Variants in TULP4 observed in about 807,000 individuals in gnomAD.
TULP4 encodes the protein TUB like protein 4.
In TULP4, 16 loss-of-function variants were observed where a neutral mutation model predicts 129.0. The observed-to-expected ratio is 0.12, with a 90% CI of 0.08 to 0.19. The LOEUF (loss-of-function observed/expected upper bound fraction) is 0.19. Ranked by LOEUF, TULP4 falls within the 10% of genes least tolerant of loss-of-function variation. The pLI is 1.00. For missense variants in TULP4, 1,842 were observed against 2,059.1 expected (o/e 0.89, Z 2.04); for synonymous variants, 998 against 854.0 (o/e 1.17, Z -2.94).
intron 1 of TULP4, among the ~76,000 whole-genome samples, chr6:158,239,211 G>A (rs1427442525): frequency 2.3e-5 from 2 of 86,816 alleles, no homozygotes; most frequent in Admixed American, 2.3e-4. Flanking sequence ...CCTCCCGGAC[G>A]GGACGGCTGG....
upstream of TULP4, among the ~76,000 whole-genome samples, chr6:158,308,923 C>A (rs1455362150): frequency 7.2e-6 from 1 of 139,454 alleles, no homozygotes; most frequent in African/African-American, 2.7e-5. Context: ...GGCGGCTGGC[C>A]GGGCGGGGGG....
chr6:158,353,128 G>A (rs1562531830), intron 1 of TULP4, among the ~76,000 whole-genome samples: 1 of 152,202 alleles, frequency 6.6e-6, no homozygotes, highest in Non-Finnish European at 1.5e-5. Context: ...TAGCATGGCT[G>A]TCCCCATCGA....
At chr6:158,368,066 C>CAAAAAAAAAA (rs3085241) in intron 1 of TULP4, among the ~76,000 whole-genome samples, 8 of 65,016 alleles carry the variant, frequency 1.2e-4, no homozygotes, top group Non-Finnish European at 2.0e-4. Context: ...ACCCTGTCTC[C>CAAAAAAAAAA]AAAAAAAAAA....
rs546293884 is a variant in TULP4, at chr6:158,275,305, C to T, written n.69-36746C>T. Reference sequence around the variant, plus strand: ...TTGAACTTCATGAGGCTGCTGCTGTCGAAACTGTGGTGATTCTGATGGTTC... The same window carrying T: ...TTGAACTTCATGAGGCTGCTGCTGTTGAAACTGTGGTGATTCTGATGGTTC... On this transcript the variant is annotated intron_variant and non_coding_transcript_variant, in intron 1 of 1. Coordinates refer to the TULP4 transcript ENST00000620026. Among the ~76,000 whole-genome samples, 6 of 152,240 alleles carry T rather than the reference C, an allele frequency of 3.9e-5. No homozygotes were observed. The South Asian group carries it at 1.0e-3, about 26-fold the overall frequency.
At chr6:158,244,083 G>C (rs946865684) in intron 1 of TULP4, among the ~76,000 whole-genome samples, 9 of 152,078 alleles carry the variant, frequency 5.9e-5, no homozygotes, top group Non-Finnish European at 1.3e-4. Context: ...TTTAGCATAC[G>C]TGGTGTGTTT....
chr6:158,461,451 G>A (rs1267142849), intron 5 of TULP4, 112 bp from the exon 6 acceptor site: 12 of 967,756 alleles, frequency 1.2e-5, no homozygotes, highest in African/African-American at 1.7e-5. Flanking sequence ...ATATATTTTT[G>A]TTGTATTTGC....
At chr6:158,238,107 G>T in intron 1 of TULP4, 1 of 729,406 alleles carries the variant, frequency 1.4e-6, no homozygotes, top group South Asian at 1.4e-5. Flanking sequence ...CACTAATGCA[G>T]ACACCATGCC....
In TULP4 at chr6:158,241,240, G is replaced by A. The variant is rs375647350; in HGVS notation, n.68+8937G>A. On this transcript the variant is annotated intron_variant and non_coding_transcript_variant, in intron 1 of 1. Transcript: ENST00000620026. ...TTCCTAGATGGGATGGCGGCCGGGC[G>A]GAGACGCTCCTCACTTTCCAGACTG... is the stretch of plus-strand genomic sequence containing the variant. 4.8e-5 allele frequency among the ~76,000 whole-genome samples: 6 copies of A among 124,394 alleles called. No homozygotes were observed. The South Asian group carries it at 7.9e-4, about 16-fold the overall frequency. 81.6% of individuals were successfully genotyped at this position (124,394 alleles called of 152,430 possible). A position where few individuals can be genotyped will look rare whatever the true frequency, so the allele number is the denominator to read the frequency against.
rs1780464623 is a variant in TULP4 at position 158,502,182 on chromosome 6, C to T, written c.2519C>T (p.Thr840Ile). Residue 840 changes from threonine (T) to isoleucine (I), a missense_variant, in exon 13 of 14, where the codon ACC becomes ATC. Transcript: ENST00000367097. Reference protein sequence around the residue: ...KINPPPPYPGTIPAAPTTAAP... With the variant: ...KINPPPPYPGIIPAAPTTAAP... Reference sequence around the variant, plus strand: ...AACCCTCCACCCCCGTACCCAGGAACCATCCCCGCTGCCCCCACCACAGCA... The same window carrying T: ...AACCCTCCACCCCCGTACCCAGGAATCATCCCCGCTGCCCCCACCACAGCA... 1.3e-6 allele frequency: 2 copies of T among 1,527,106 alleles called. No homozygotes were observed. Among genetic ancestry groups the T allele is most frequent in the East Asian group, 4.8e-5 (2 of 42,064 alleles). The allele number at this position is 1,527,106 out of a possible 1,614,324, so 94.6% of individuals were successfully genotyped here. A position where few individuals can be genotyped will look rare whatever the true frequency, so the allele number is the denominator to read the frequency against.
chr6:158,348,676 G>T (rs973725718), intron 1 of TULP4, among the ~76,000 whole-genome samples: 1 of 151,990 alleles, frequency 6.6e-6, no homozygotes, highest in Admixed American at 6.5e-5. Flanking sequence ...GCCCGTTCTC[G>T]ATGGTCGCTG....
intron 3 of TULP4, among the ~76,000 whole-genome samples, chr6:158,445,855 G>C (rs1779025618): frequency 6.6e-6 from 1 of 152,168 alleles, no homozygotes; most frequent in South Asian, 2.1e-4. Context: ...AGAGTCTGGG[G>C]CTCAGGACAG....
chr6:158,253,582 C>T (rs1778185681), intron 1 of TULP4, among the ~76,000 whole-genome samples: 1 of 151,608 alleles, frequency 6.6e-6, no homozygotes, highest in Admixed American at 6.6e-5. Context: ...TCAGCTTACA[C>T]CTGTTAATGT....
chr6:158,299,927 G>T (rs1263700722), intron 1 of TULP4, among the ~76,000 whole-genome samples: 1 of 152,184 alleles, frequency 6.6e-6, no homozygotes, highest in African/African-American at 2.4e-5. Context: ...AGAACAGGGG[G>T]ATGTTATTTT....
chr6:158,354,599 A>G (rs1780601415), intron 1 of TULP4, among the ~76,000 whole-genome samples: 1 of 152,184 alleles, frequency 6.6e-6, no homozygotes, highest in Admixed American at 6.5e-5. Flanking sequence ...AAAGAATAAA[A>G]TGTTTGCCCT....
chr6:158,397,362 G>A (rs928576381), intron 1 of TULP4, among the ~76,000 whole-genome samples: 1 of 152,196 alleles, frequency 6.6e-6, no homozygotes, highest in Non-Finnish European at 1.5e-5. Flanking sequence ...TTGTCCAATA[G>A]AGTATGCGTG....
chr6:158,470,308 A>G (rs544684340), intron 6 of TULP4, among the ~76,000 whole-genome samples: 13 of 152,374 alleles, frequency 8.5e-5, no homozygotes, highest in Non-Finnish European at 1.5e-4. Context: ...AACATGGACC[A>G]GAAGAGTGCA....
intron 11 of TULP4, among the ~76,000 whole-genome samples, chr6:158,498,359 C>T (rs551990122): frequency 7.0e-4 from 107 of 152,254 alleles, no homozygotes; most frequent in African/African-American, 2.6e-3. Context: ...TAGCTTATTC[C>T]AAAAGAAATG....
chr6:158,242,104 T>C, intron 1 of TULP4: 1 of 834,450 alleles, frequency 1.2e-6, no homozygotes. Flanking sequence ...CTCCTCTGTT[T>C]GACCCTGAAG....
At chr6:158,318,930 G>GA (rs1779558635) in intron 1 of TULP4, among the ~76,000 whole-genome samples, 1 of 138,860 alleles carries the variant, frequency 7.2e-6, no homozygotes, top group Admixed American at 7.3e-5. Flanking sequence ...TTTTTTGGTA[G>GA]AGACAGGGTT....
Sources: allele counts gnomAD v4.1 joint callset (sites outside exome capture counted in the v4.1 genomes callset), GRCh38; gene constraint gnomAD v4.1.1; transcripts MANE v1.5; gene names NCBI Gene and HGNC (gene_info 2026-07-23, HGNC 2026-07-21).